Variants in KCNB2 observed in about 807,000 individuals in gnomAD.
KCNB2 encodes delayed rectifier potassium channel protein.
Under a neutral mutation model 61.5 loss-of-function variants are expected in KCNB2, and 15 were observed. That is an observed-to-expected ratio of 0.24 (90% CI 0.16 to 0.38). The LOEUF (loss-of-function observed/expected upper bound fraction) is 0.38. KCNB2 is among the 10% of genes least tolerant of loss of function. The probability of loss-of-function intolerance (pLI) is 1.00; values close to 1 mark genes in which losing one functional copy is unlikely to be tolerated. For synonymous variants in KCNB2, 457 were observed against 446.0 expected (o/e 1.02, Z -0.31); for missense variants, 828 against 1,125.2 (o/e 0.74, Z 3.78).
At position 72,937,276 on chromosome 8, in the gene KCNB2, G is replaced by T; in HGVS notation, c.1921G>T (p.Glu641Ter). 6.2e-7 allele frequency: 1 copy of T among 1,613,890 alleles called. No individual in the cohort carries two copies. Among genetic ancestry groups the T allele is most frequent in the Non-Finnish European group, 8.5e-7 (1 of 1,179,982 alleles). The change falls in exon 3 of 3, where the codon GAA (glutamate) becomes TAA (stop). Residue 641 changes from glutamate to a stop codon, truncating the protein, a stop_gained. Coordinates refer to ENST00000523207, the MANE Select transcript of KCNB2 (RefSeq NM_004770.3). LOFTEE classifies it high-confidence loss of function. ...MKFPTDLPGT[E>*]EHQRARGPPF... is the part of the protein sequence containing the mutation. ...GTTCCCAACCGACCTCCCAGGGACAGAAGAGCACCAAAGAGCTAGGGGCCC... is the reference window on the plus strand; with the variant it reads ...GTTCCCAACCGACCTCCCAGGGACATAAGAGCACCAAAGAGCTAGGGGCCC...
chr8:72,780,230 C>A (rs1054763454), intron 2 of KCNB2, among the ~76,000 whole-genome samples: 1 of 152,022 alleles, frequency 6.6e-6, no homozygotes, highest in Non-Finnish European at 1.5e-5. Flanking sequence ...ATATCTGAGG[C>A]CAATTTAACA....
At chr8:72,699,654 T>G (rs1807081884) in intron 2 of KCNB2, among the ~76,000 whole-genome samples, 1 of 152,184 alleles carries the variant, frequency 6.6e-6, no homozygotes, top group Non-Finnish European at 1.5e-5. Flanking sequence ...GGTGTTTTCA[T>G]CATGAAGTCT....
At chr8:72,914,730 T>TA (rs1020041419) in intron 2 of KCNB2, among the ~76,000 whole-genome samples, 1 of 152,184 alleles carries the variant, frequency 6.6e-6, no homozygotes. Flanking sequence ...ACTATTGAGA[T>TA]ACAGACTTAA....
rs185186746 is a variant in KCNB2, at chr8:72,716,011, C to T, written c.579+147698C>T. On this transcript the variant is annotated intron_variant, in intron 2 of 2. Coordinates refer to ENST00000523207, the MANE Select transcript of KCNB2 (RefSeq NM_004770.3). ...ACCGATCCCACAGAAATACAAACTA[C>T]CATCAGAGAATACTATAAACATCTC... Among the ~76,000 whole-genome samples, 366 of 152,198 alleles carry T rather than the reference C, an allele frequency of 2.4e-3. 2 individuals carry two copies. Among genetic ancestry groups the T allele is most frequent in the African/African-American group, 5.3e-3 (221 of 41,526 alleles).
chr8:72,565,207 A>G (rs1008537437), intron 1 of KCNB2, among the ~76,000 whole-genome samples: 1 of 152,118 alleles, frequency 6.6e-6, no homozygotes, highest in Non-Finnish European at 1.5e-5. Context: ...TGCTGCAAGT[A>G]TATTTATTGG....
chr8:72,588,234 T>C (rs1211457625), intron 2 of KCNB2, among the ~76,000 whole-genome samples: 1 of 150,952 alleles, frequency 6.6e-6, no homozygotes, highest in Non-Finnish European at 1.5e-5. Context: ...TTTTTTTTTT[T>C]TGAGACAGAG....
At chr8:72,900,690 T>C (rs1259018616) in intron 2 of KCNB2, among the ~76,000 whole-genome samples, 1 of 152,024 alleles carries the variant, frequency 6.6e-6, no homozygotes, top group Admixed American at 6.6e-5. Context: ...GCAAAAGACA[T>C]GAACAGGCAC....
chr8:72,725,599 A>ATATATATATGTATGTGTG (rs1807633752), intron 2 of KCNB2, among the ~76,000 whole-genome samples: 1 of 58,214 alleles, frequency 1.7e-5, no homozygotes, highest in Non-Finnish European at 5.1e-5. Context: ...ATGTATATAT[A>ATATATATATGTATGTGTG]TATATATATA....
chr8:72,624,144 TAAATTACTTAA>T (rs1488572220), intron 2 of KCNB2, among the ~76,000 whole-genome samples: 2 of 152,250 alleles, frequency 1.3e-5, no homozygotes, highest in African/African-American at 4.8e-5. Flanking sequence ...TTCATATTAG[TAAATTACTTAA>T]ACATAAGCTA....
chr8:72,695,946 G>A (rs1050497701), intron 2 of KCNB2, among the ~76,000 whole-genome samples: 1 of 152,180 alleles, frequency 6.6e-6, no homozygotes, highest in African/African-American at 2.4e-5. Context: ...CATCAAATTA[G>A]TAACAGAGAT....
At chr8:72,635,155 G>C (rs2128985268) in intron 2 of KCNB2, among the ~76,000 whole-genome samples, 1 of 152,280 alleles carries the variant, frequency 6.6e-6, no homozygotes, top group East Asian at 1.9e-4. Flanking sequence ...TCCTGGGGAG[G>C]GAACTGCCTG....
intron 2 of KCNB2, among the ~76,000 whole-genome samples, chr8:72,622,594 AG>A (rs1377620257): frequency 6.6e-6 from 1 of 152,228 alleles, no homozygotes; most frequent in Non-Finnish European, 1.5e-5. Flanking sequence ...ATTAAAAAAA[AG>A]AATGGAATGA....
At chr8:72,710,639 G>A (rs556452748) in intron 2 of KCNB2, among the ~76,000 whole-genome samples, 40 of 152,156 alleles carry the variant, frequency 2.6e-4, no homozygotes, top group Non-Finnish European at 4.3e-4. Context: ...ACAGTATCCC[G>A]GACCCAATCA....
chr8:72,538,859 G>A (rs930156166), intron 1 of KCNB2, among the ~76,000 whole-genome samples: 1 of 152,156 alleles, frequency 6.6e-6, no homozygotes, highest in African/African-American at 2.4e-5. Flanking sequence ...GTAGTATAGT[G>A]TGGGTCGGAA....
At chr8:72,715,877 G>T (rs1386347718) in intron 2 of KCNB2, among the ~76,000 whole-genome samples, 1 of 152,136 alleles carries the variant, frequency 6.6e-6, no homozygotes, top group Non-Finnish European at 1.5e-5. Flanking sequence ...CCAGGAGCTG[G>T]TTTTTTGAAA....
chr8:72,801,600 G>A (rs1809127135), intron 2 of KCNB2, among the ~76,000 whole-genome samples: 1 of 152,126 alleles, frequency 6.6e-6, no homozygotes, highest in Non-Finnish European at 1.5e-5. Context: ...TGAATGACAT[G>A]TTCCATTCCT....
At chr8:72,917,720 A>G (rs1806430138) in intron 2 of KCNB2, among the ~76,000 whole-genome samples, 1 of 152,232 alleles carries the variant, frequency 6.6e-6, no homozygotes, top group African/African-American at 2.4e-5. Context: ...TCAGCTTTAC[A>G]ACTAGGTATA....
intron 2 of KCNB2, among the ~76,000 whole-genome samples, chr8:72,903,323 G>T (rs561547672): frequency 3.3e-5 from 5 of 152,272 alleles, no homozygotes; most frequent in Middle Eastern, 3.4e-3. Context: ...GTCCTGGCAG[G>T]GACTGCTGGT....
chr8:72,910,819 A>C (rs1806274924), intron 2 of KCNB2, among the ~76,000 whole-genome samples: 1 of 152,210 alleles, frequency 6.6e-6, no homozygotes, highest in Admixed American at 6.5e-5. Flanking sequence ...CATGAGAACA[A>C]AGTTAAAAGA....
Sources: gnomAD v4.1 joint callset for allele counts (sites outside exome capture counted in the v4.1 genomes callset) on GRCh38, gnomAD v4.1.1 for gene constraint, MANE v1.5 for transcripts, NCBI Gene and HGNC (gene_info 2026-07-23, HGNC 2026-07-21) for gene names.